The following LOC400499 variants were observed in gnomAD, a reference collection of about 807,000 sequenced individuals.
At chr16:11,471,631 C>T in the LOC400499 span, 7 of 398,914 alleles carry the variant, frequency 1.8e-5, no homozygotes, top group African/African-American at 6.2e-5. Flanking sequence ...CTGAGAAAGA[C>T]GGGGCTGTTG....
the LOC400499 span, among the ~76,000 whole-genome samples, chr16:11,521,228 C>T: frequency 6.6e-6 from 1 of 152,100 alleles, no homozygotes; most frequent in Non-Finnish European, 1.5e-5. Flanking sequence ...CCAGCCAGTA[C>T]AAAAATGCAT....
the LOC400499 span, among the ~76,000 whole-genome samples, chr16:11,506,535 C>G: frequency 6.6e-6 from 1 of 152,188 alleles, no homozygotes; most frequent in Non-Finnish European, 1.5e-5. Flanking sequence ...ATGCCCTCTC[C>G]CAGGCATCCT....
the LOC400499 span, chr16:11,491,885 C>G: frequency 2.3e-5 from 9 of 398,490 alleles, no homozygotes; most frequent in African/African-American, 1.6e-4. Flanking sequence ...CAAGGCCTAC[C>G]TACCTCCACC....
the LOC400499 span, among the ~76,000 whole-genome samples, chr16:11,398,666 A>AT: frequency 0.6 from 88,603 of 147,440 alleles, 27,611 homozygotes; most frequent in Admixed American, 0.75. Context: ...CTGCGGCAGG[A>AT]TTTTTTTTTT....
chr16:11,460,284 C>A, the LOC400499 span, among the ~76,000 whole-genome samples: 2 of 152,204 alleles, frequency 1.3e-5, no homozygotes, highest in African/African-American at 4.8e-5. Flanking sequence ...GCAACCTCCG[C>A]CTCCTGGGCT....
the LOC400499 span, chr16:11,439,691 C>G: frequency 2.5e-6 from 1 of 396,798 alleles, no homozygotes; most frequent in East Asian, 3.6e-5. Context: ...AAAGCTCAAA[C>G]CAGAAACTTC....
chr16:11,440,026 C>G, the LOC400499 span, among the ~76,000 whole-genome samples: 11 of 152,092 alleles, frequency 7.2e-5, no homozygotes, highest in Admixed American at 7.2e-4. Context: ...GAAGGTTACA[C>G]AGCTAGTTAA....
chr16:11,427,991 C>T, the LOC400499 span, among the ~76,000 whole-genome samples: 3 of 152,090 alleles, frequency 2.0e-5, no homozygotes, highest in African/African-American at 7.2e-5. Context: ...TCTTGGATCT[C>T]CCACAAGAAA....
At chr16:11,524,943 C>T in the LOC400499 span, among the ~76,000 whole-genome samples, 1 of 152,238 alleles carries the variant, frequency 6.6e-6, no homozygotes, top group Non-Finnish European at 1.5e-5. Context: ...CACCCCGCTG[C>T]ACCTCGACTG....
chr16:11,473,365 A>AG, the LOC400499 span, among the ~76,000 whole-genome samples: 4 of 151,538 alleles, frequency 2.6e-5, no homozygotes, highest in Non-Finnish European at 5.9e-5. Context: ...AGAAAAAAAA[A>AG]TTTCAAGATC....
At chr16:11,486,423 G>T in the LOC400499 span, among the ~76,000 whole-genome samples, 5 of 139,938 alleles carry the variant, frequency 3.6e-5, 1 homozygote, top group African/African-American at 8.4e-5. Flanking sequence ...TGGATGGATG[G>T]ATGGATGGAT....
chr16:11,520,149 T>C, the LOC400499 span, among the ~76,000 whole-genome samples: 493 of 152,276 alleles, frequency 3.2e-3, 2 homozygotes, highest in African/African-American at 0.011. Flanking sequence ...GATGAAAAAG[T>C]TCTAGAGATG....
At chr16:11,516,831 G>C in the LOC400499 span, among the ~76,000 whole-genome samples, 1 of 152,104 alleles carries the variant, frequency 6.6e-6, no homozygotes, top group African/African-American at 2.4e-5. Context: ...ACCTTTTGTA[G>C]AGATAGATTC....
chr16:11,430,435 A>T, the LOC400499 span, among the ~76,000 whole-genome samples: 1 of 152,202 alleles, frequency 6.6e-6, no homozygotes, highest in Admixed American at 6.5e-5. Flanking sequence ...GGTTGCAGTG[A>T]GCTGAGATTG....
At chr16:11,441,819 C>A in the LOC400499 span, among the ~76,000 whole-genome samples, 1 of 152,206 alleles carries the variant, frequency 6.6e-6, no homozygotes, top group Non-Finnish European at 1.5e-5. Flanking sequence ...TCCTCTGGAG[C>A]CTCCAGAAGG....
the LOC400499 span, among the ~76,000 whole-genome samples, chr16:11,403,783 G>C: frequency 6.6e-6 from 1 of 152,280 alleles, no homozygotes; most frequent in African/African-American, 2.4e-5. Flanking sequence ...GGACCCAGGG[G>C]CTCATGGCTG....
the LOC400499 span, among the ~76,000 whole-genome samples, chr16:11,443,063 G>T: frequency 2.6e-5 from 4 of 151,976 alleles, no homozygotes; most frequent in African/African-American, 7.2e-5. Flanking sequence ...GTGGTTCATG[G>T]CTGTAATCCC....
the LOC400499 span, chr16:11,460,475 A>G: frequency 6.6e-7 from 1 of 1,520,054 alleles, no homozygotes; most frequent in Non-Finnish European, 8.8e-7. Flanking sequence ...CTGGGAACCC[A>G]CCTTGTGGCT....
the LOC400499 span, among the ~76,000 whole-genome samples, chr16:11,507,647 C>T: frequency 6.6e-6 from 1 of 152,170 alleles, no homozygotes; most frequent in Admixed American, 6.6e-5. Context: ...ACTGTAAAGC[C>T]CTGGCAGGGC....
Sources: gnomAD v4.1 joint callset for allele counts (sites outside exome capture counted in the v4.1 genomes callset) on GRCh38, gnomAD v4.1.1 for gene constraint, MANE v1.5 for transcripts.